Variants in GTF3C5 observed in about 807,000 individuals in gnomAD.
GTF3C5 encodes general transcription factor IIIC subunit 5, also known as general transcription factor 3C polypeptide 5.
A neutral mutation model predicts 61.0 loss-of-function variants in GTF3C5; 47 were observed. That is an observed-to-expected ratio of 0.77 (90% CI 0.61 to 0.98). The LOEUF is 0.98. Among genes scored for constraint, GTF3C5 ranks in the 50% least tolerant of loss-of-function variants. The pLI, the probability that GTF3C5 is intolerant of heterozygous loss-of-function variation, is 0.00. For synonymous variants in GTF3C5, 295 were observed against 275.4 expected, an observed-to-expected ratio of 1.07 and a Z score of -0.71; for missense variants, 659 against 703.3, an observed-to-expected ratio of 0.94 and a Z score of 0.71.
At position 133,056,109 on chromosome 9, in the gene GTF3C5, G is replaced by A. The variant is rs778234950; in HGVS notation, c.1250+15G>A. On this transcript the variant is annotated intron_variant, in intron 9 of 10. Transcript: ENST00000372097. ...AATGTGGAAGAGTACGTATGGGAGG[G>A]GCCCTGAGACACTGAGGGGGGCCCG... is the stretch of plus-strand genomic sequence containing the variant. 6.8e-6 allele frequency: 11 copies of A among 1,611,152 alleles called. No homozygotes were observed. Among genetic ancestry groups the A allele is most frequent in the Non-Finnish European group, 9.3e-6 (11 of 1,177,482 alleles).
At chr9:133,044,741 C>G (rs553808979) in intron 3 of GTF3C5, among the ~76,000 whole-genome samples, 7 of 152,324 alleles carry the variant, frequency 4.6e-5, no homozygotes. Flanking sequence ...CTACACAGCT[C>G]TCGCCTGCTC....
intron 8 of GTF3C5, chr9:133,055,611 G>A (rs1437736571): frequency 1.0e-6 from 1 of 985,320 alleles, no homozygotes; most frequent in African/African-American, 1.7e-5. Flanking sequence ...TCCCAGAAAA[G>A]ATGTCAGGGC....
chr9:133,052,316 C>T lies in GTF3C5; in HGVS notation c.873+152C>T, dbSNP rs538646383. On this transcript the variant is annotated intron_variant, in intron 5 of 10. Transcript: ENST00000372097. ...CCACCCCCATCCTGGCCCATCCTTC[C>T]TACCCACCCCTGGCCTGGCCCTCAT... is the stretch of plus-strand genomic sequence containing the variant. The T allele has an allele frequency of 5.5e-6, 3 of 546,114 alleles. No individual in the cohort carries two copies. The East Asian group carries it at 9.8e-5, about 18-fold the overall frequency. The allele number at this position is 546,114 out of a possible 1,614,324, so 33.8% of individuals were successfully genotyped here. A position where few individuals can be genotyped will look rare whatever the true frequency, so the allele number is the denominator to read the frequency against.
chr9:133,034,123 G>A (rs1219858857), intron 1 of GTF3C5, among the ~76,000 whole-genome samples: 1 of 152,140 alleles, frequency 6.6e-6, no homozygotes, highest in Non-Finnish European at 1.5e-5. Context: ...TCTATAATTA[G>A]CAATAAGGGG....
At chr9:133,056,459 C>T (rs543720177) in intron 9 of GTF3C5, among the ~76,000 whole-genome samples, 4 of 152,342 alleles carry the variant, frequency 2.6e-5, no homozygotes, top group Admixed American at 6.5e-5. Flanking sequence ...AGGGCACTCA[C>T]TGGGATGAGA....
At chr9:133,037,472 T>C (rs1311060821) in intron 1 of GTF3C5, among the ~76,000 whole-genome samples, 1 of 152,150 alleles carries the variant, frequency 6.6e-6, no homozygotes, top group Non-Finnish European at 1.5e-5. Flanking sequence ...GATGGGATAT[T>C]GCTTCCTTCT....
chr9:133,041,078 C>T (rs1233964042), intron 1 of GTF3C5, among the ~76,000 whole-genome samples: 12 of 152,212 alleles, frequency 7.9e-5, no homozygotes, highest in Non-Finnish European at 1.5e-5. Context: ...GACTGGGCCA[C>T]CAGAGGGCTC....
At chr9:133,030,739 A>C (rs1849700038), upstream of GTF3C5, 1 of 562,478 alleles carries the variant, frequency 1.8e-6, no homozygotes. Flanking sequence ...CTCGCTGGCT[A>C]GTAGGAGAGA....
At chr9:133,057,400 CCT>C (rs2067398044) in intron 10 of GTF3C5, among the ~76,000 whole-genome samples, 1 of 152,184 alleles carries the variant, frequency 6.6e-6, no homozygotes, top group African/African-American at 2.4e-5. Flanking sequence ...TAAGAGGCCC[CCT>C]CTCTCAGGGA....
Position 133,058,427 on chromosome 9 carries a change from A to G in GTF3C5, c.*447A>G, listed in dbSNP as rs189175834. On this transcript the variant is annotated 3_prime_UTR_variant, in exon 11 of 11. Coordinates refer to ENST00000372097, the MANE Select transcript of GTF3C5 (RefSeq NM_012087.4). ...TGGCAAGAAGTGCCTTTAGCTCTGG[A>G]TCCCAACCGTTTGGCACAGCTTTGG... The G allele has an allele frequency of 2.2e-4, 36 of 161,286 alleles. 1 individual carries two copies. The East Asian group carries it at 6.0e-3, about 27-fold the overall frequency. The allele number at this position is 161,286 out of a possible 1,614,324, so 10.0% of individuals were successfully genotyped here.
At chr9:133,054,381 A>C (rs1588479402) in intron 6 of GTF3C5, 27 bp from the exon 7 acceptor site, 1 of 1,597,210 alleles carries the variant, frequency 6.3e-7, no homozygotes, top group Non-Finnish European at 8.6e-7. Context: ...GTGCCCGCCC[A>C]CCTGACTTGC....
chr9:133,053,624 C>G (rs1392117069), intron 5 of GTF3C5, among the ~76,000 whole-genome samples: 2 of 152,214 alleles, frequency 1.3e-5, no homozygotes, highest in Admixed American at 6.5e-5. Context: ...CTCCTTTTCC[C>G]TCCATCTGAC....
intron 10 of GTF3C5, among the ~76,000 whole-genome samples, chr9:133,057,313 A>G (rs555709649): frequency 6.6e-6 from 1 of 152,284 alleles, no homozygotes; most frequent in East Asian, 1.9e-4. Flanking sequence ...CCCTGGCAGG[A>G]GTGAGGGCCA....
At chr9:133,051,486 C>T (rs1413765275) in intron 4 of GTF3C5, among the ~76,000 whole-genome samples, 2 of 152,254 alleles carry the variant, frequency 1.3e-5, no homozygotes, top group African/African-American at 4.8e-5. Context: ...CTGTGGGAGA[C>T]CACGTGGATG....
At chr9:133,038,718 A>G (rs754517623) in intron 1 of GTF3C5, among the ~76,000 whole-genome samples, 2 of 151,624 alleles carry the variant, frequency 1.3e-5, no homozygotes, top group African/African-American at 4.8e-5. Flanking sequence ...CGGCCTCCCA[A>G]AGTGCTGGGA....
Position 133,035,892 on chromosome 9 carries a change from C to T in GTF3C5, c.153+4728C>T, listed in dbSNP as rs542606697. ...TTGGCCTTTGCTATTAATGAGACCTCGTTCGGTCCAAATTTTTCCAAAGGT... is the reference window on the plus strand; with the variant it reads ...TTGGCCTTTGCTATTAATGAGACCTTGTTCGGTCCAAATTTTTCCAAAGGT... On this transcript the variant is annotated intron_variant, in intron 1 of 10. Coordinates refer to ENST00000372097, the MANE Select transcript of GTF3C5 (RefSeq NM_012087.4). Among the ~76,000 whole-genome samples the T allele has an allele frequency of 8.5e-4, 129 of 152,254 alleles. 1 individual carries two copies. The highest frequency in any genetic ancestry group is 2.9e-3 in the African/African-American group (121 of 41,528).
intron 5 of GTF3C5, among the ~76,000 whole-genome samples, chr9:133,052,676 G>A (rs1369270504): frequency 6.6e-6 from 1 of 152,128 alleles, no homozygotes; most frequent in Non-Finnish European, 1.5e-5. Context: ...CCGCTGCCAG[G>A]CCTCACAGAG....
chr9:133,054,417 C>T lies in GTF3C5; in HGVS notation c.998C>T (p.Pro333Leu). The change falls in exon 7 of 11, where the codon CCC (proline) becomes CTC (leucine). Residue 333 changes from proline to leucine, a missense_variant. Coordinates refer to ENST00000372097, the MANE Select transcript of GTF3C5 (RefSeq NM_012087.4). ...CCGCCCTCGCCTACAGGTTACGCCCCCAGTGACTTGCCGGTCAAAGCAAAG... is the reference window on the plus strand; with the variant it reads ...CCGCCCTCGCCTACAGGTTACGCCCTCAGTGACTTGCCGGTCAAAGCAAAG... ...IRCGMKHGYA[P>L]SDLPVKAKRS... 6.2e-7 allele frequency: 1 copy of T among 1,614,126 alleles called. No homozygotes were observed. The highest frequency in any genetic ancestry group is 8.5e-7 in the Non-Finnish European group (1 of 1,179,988).
chr9:133,054,584 T>C (rs1829872297), intron 7 of GTF3C5, 96 bp downstream of exon 7: 10 of 1,412,890 alleles, frequency 7.1e-6, no homozygotes, highest in Non-Finnish European at 8.8e-6. Context: ...TGGGGGTCAC[T>C]CCAGGGCTCT....
Sources: allele counts gnomAD v4.1 joint callset (sites outside exome capture counted in the v4.1 genomes callset), GRCh38; gene constraint gnomAD v4.1.1; transcripts MANE v1.5; gene names NCBI Gene and HGNC (gene_info 2026-07-23, HGNC 2026-07-21).